The following MTUS1 variants were observed in gnomAD, a reference collection of about 807,000 sequenced individuals.
The protein encoded by MTUS1 is microtubule-associated tumor suppressor 1.
Under a neutral mutation model 120.8 loss-of-function variants are expected in MTUS1, and 109 were observed. The observed-to-expected ratio is 0.90, with a 90% CI of 0.77 to 1.06. The LOEUF (loss-of-function observed/expected upper bound fraction) is 1.06, where lower values mean the gene tolerates loss of function less well. Ranked by LOEUF, MTUS1 falls within the 50% of genes least tolerant of loss-of-function variation. The pLI is 0.00. For missense variants in MTUS1, 2,210 were observed against 1,486.3 expected (o/e 1.49, Z -8.01); for synonymous variants, 737 against 550.5 (o/e 1.34, Z -4.74).
intron 8 of MTUS1, among the ~76,000 whole-genome samples, chr8:17,657,375 C>G (rs372715615): frequency 2.0e-5 from 3 of 151,190 alleles, no homozygotes; most frequent in Non-Finnish European, 4.4e-5. Flanking sequence ...GAGACCATCC[C>G]GGCTAAAACG....
intron 5 of MTUS1, among the ~76,000 whole-genome samples, chr8:17,713,552 T>C (rs920609709): frequency 7.2e-5 from 11 of 152,212 alleles, no homozygotes; most frequent in Admixed American, 7.2e-4. Context: ...AGTTCAAGTT[T>C]TAACAGTACT....
intron 1 of MTUS1, among the ~76,000 whole-genome samples, chr8:17,792,732 C>T (rs1351010839): frequency 6.6e-6 from 1 of 152,134 alleles, no homozygotes; most frequent in Non-Finnish European, 1.5e-5. Flanking sequence ...GGCGCGGTGG[C>T]GCATACCTGT....
intron 3 of MTUS1, among the ~76,000 whole-genome samples, chr8:17,731,887 G>A (rs1024291935): frequency 2.0e-5 from 3 of 152,160 alleles, no homozygotes; most frequent in Admixed American, 6.5e-5. Context: ...CATCACCATT[G>A]CTTAACCCCA....
Position 17,755,335 on chromosome 8 carries a change from T to C in MTUS1, c.473A>G (p.Asn158Ser). 4 of 1,614,224 alleles carry C rather than the reference T, an allele frequency of 2.5e-6. No individual in the cohort carries two copies. Among genetic ancestry groups the C allele is most frequent in the Non-Finnish European group, 3.4e-6 (4 of 1,180,032 alleles). Reference protein sequence around the residue: ...CAGYCDALELNQTFDMTVDKV... With the variant: ...CAGYCDALELSQTFDMTVDKV... ...ATCCACTGTCATGTCAAATGTTTGGTTTAGCTCCAAGGCATCACAGTAGCC... is the reference window on the plus strand; with the variant it reads ...ATCCACTGTCATGTCAAATGTTTGGCTTAGCTCCAAGGCATCACAGTAGCC... The change falls in exon 2 of 15, where the codon AAC (asparagine) becomes AGC (serine). Residue 158 changes from asparagine to serine, a missense_variant. Transcript: ENST00000693296.
At chr8:17,679,214 A>C (rs1563187493) in intron 7 of MTUS1, among the ~76,000 whole-genome samples, 1 of 63,542 alleles carries the variant, frequency 1.6e-5, no homozygotes, top group African/African-American at 4.7e-5. Flanking sequence ...ACACACACAC[A>C]AATACCTATA....
intron 1 of MTUS1, among the ~76,000 whole-genome samples, chr8:17,780,057 G>C (rs1262046643): frequency 6.6e-6 from 1 of 151,870 alleles, no homozygotes; most frequent in East Asian, 1.9e-4. Flanking sequence ...CTGGGTTATG[G>C]GGGTGGATCC....
intron 1 of MTUS1, among the ~76,000 whole-genome samples, chr8:17,760,026 T>G (rs388048): frequency 1.3e-5 from 2 of 150,106 alleles, no homozygotes; most frequent in East Asian, 2.0e-4. Flanking sequence ...CTGGGCAACA[T>G]AGCAGGACCC....
chr8:17,790,163 A>G (rs1383405678), intron 1 of MTUS1, among the ~76,000 whole-genome samples: 4 of 152,136 alleles, frequency 2.6e-5, no homozygotes, highest in Non-Finnish European at 5.9e-5. Flanking sequence ...CCTGGCTAAC[A>G]TGGTGAAGCC....
At chr8:17,683,783 A>T (rs1483559937) in intron 7 of MTUS1, among the ~76,000 whole-genome samples, 4 of 152,238 alleles carry the variant, frequency 2.6e-5, no homozygotes, top group African/African-American at 9.6e-5. Flanking sequence ...TCCTGAAATA[A>T]CATCCCTGAA....
At position 17,753,901 on chromosome 8, in the gene MTUS1, T is replaced by C. The variant is rs768425921; in HGVS notation, c.1907A>G (p.Lys636Arg). 10 of 1,614,188 alleles carry C rather than the reference T, an allele frequency of 6.2e-6. No individual in the cohort carries two copies. The Admixed American group carries it at 1.3e-4, about 22-fold the overall frequency. ...ETGSVSALFQ[K>R]IKGILPVKME... ...TTTAACAGGGAGTATGCCTTTGATC[T>C]TCTGAAACAACGCAGAAACGGACCC... The change falls in exon 2 of 15, where the codon AAG becomes AGG. Residue 636 changes from lysine (K) to arginine (R), a missense_variant. Lys to Arg is a conservative substitution (Grantham distance 26). Transcript: ENST00000693296.
chr8:17,655,812 T>C (rs1808081728), intron 9 of MTUS1, 51 bp downstream of exon 9: 8 of 1,519,894 alleles, frequency 5.3e-6, no homozygotes, highest in African/African-American at 1.4e-5. Flanking sequence ...CAACCAGGAT[T>C]CAAGTAAGCA....
intron 8 of MTUS1, among the ~76,000 whole-genome samples, chr8:17,674,037 T>A (rs1343081982): frequency 2.0e-5 from 3 of 152,102 alleles, no homozygotes. Context: ...CAGCTCCAGA[T>A]CTGGCTGAAG....
At chr8:17,703,985 G>A (rs1323519657) in intron 6 of MTUS1, 1 of 152,330 alleles carries the variant, frequency 6.6e-6, no homozygotes, top group Admixed American at 6.6e-5. Flanking sequence ...TCGCGGCTTA[G>A]GTGGACATCA....
intron 4 of MTUS1, among the ~76,000 whole-genome samples, chr8:17,718,305 G>A (rs185939238): frequency 5.6e-4 from 85 of 152,220 alleles, no homozygotes; most frequent in African/African-American, 2.0e-3. Flanking sequence ...AGTCCTCAGC[G>A]GCAACAATTC....
rs184895206 is a variant in MTUS1, at chr8:17,780,775, G to C, written c.-155+20286C>G. ...GAGTCATCCTTCTGAATTGTACTCA[G>C]TTCCTGCCATTCCTCAGTCCAAGCC... On this transcript the variant is annotated intron_variant, in intron 1 of 14. Coordinates refer to ENST00000693296, the MANE Select transcript of MTUS1 (RefSeq NM_001363059.2). 68 of 152,232 alleles carry C rather than the reference G, an allele frequency of 4.5e-4. 1 individual carries two copies. Among genetic ancestry groups the C allele is most frequent in the Admixed American group, 2.0e-3 (31 of 15,234 alleles). 9.4% of individuals were successfully genotyped at this position (152,232 alleles called of 1,614,324 possible). A position where few individuals can be genotyped will look rare whatever the true frequency, so the allele number is the denominator to read the frequency against.
At chr8:17,733,309 C>A (rs1488643484) in intron 3 of MTUS1, among the ~76,000 whole-genome samples, 2 of 151,470 alleles carry the variant, frequency 1.3e-5, no homozygotes, top group African/African-American at 4.9e-5. Flanking sequence ...CAAGATCATG[C>A]CATTGCACTC....
intron 7 of MTUS1, among the ~76,000 whole-genome samples, chr8:17,680,781 A>T (rs1277201321): frequency 6.6e-6 from 1 of 152,114 alleles, no homozygotes; most frequent in African/African-American, 2.4e-5. Flanking sequence ...AAGATAGCAG[A>T]GAGTATAGAA....
At chr8:17,658,555 G>T (rs1808965608) in intron 8 of MTUS1, among the ~76,000 whole-genome samples, 1 of 152,284 alleles carries the variant, frequency 6.6e-6, no homozygotes, top group South Asian at 2.1e-4. Context: ...AACTGTCAGG[G>T]ATACACATGC....
intron 7 of MTUS1, 22 bp from the exon 8 acceptor site, chr8:17,675,274 T>C (rs772067562): frequency 1.2e-6 from 2 of 1,612,070 alleles, no homozygotes; most frequent in South Asian, 2.2e-5. Context: ...ACACATCAAG[T>C]TACTCATGCT....
Sources: allele counts gnomAD v4.1 joint callset (sites outside exome capture counted in the v4.1 genomes callset), GRCh38; gene constraint gnomAD v4.1.1; transcripts MANE v1.5; gene names NCBI Gene and HGNC (gene_info 2026-07-23, HGNC 2026-07-21).